The following HAPLN1 variants were observed in gnomAD, a reference collection of about 807,000 sequenced individuals.
HAPLN1 encodes the protein Cartilage link protein.
HAPLN1 carries 13 observed loss-of-function variants against 36.5 expected under a neutral mutation model. The observed-to-expected ratio is 0.36, with a 90% CI of 0.23 to 0.57. The LOEUF (loss-of-function observed/expected upper bound fraction) is 0.57. Ranked by LOEUF, HAPLN1 falls within the 20% of genes least tolerant of loss-of-function variation. HAPLN1 has a pLI of 0.83. For missense variants in HAPLN1, 407 were observed against 439.7 expected (o/e 0.93, Z 0.66); for synonymous variants, 202 against 169.8 (o/e 1.19, Z -1.48).
rs144810231 is a variant in HAPLN1 at position 83,710,237 on chromosome 5, G to A, written c.-27+10552C>T. ...GTGGGGACAAGCATCTTGGGCAGAAGCCATTGAAATACAAACAGCCAAGAG... is the reference window on the plus strand; with the variant it reads ...GTGGGGACAAGCATCTTGGGCAGAAACCATTGAAATACAAACAGCCAAGAG... On this transcript the variant is annotated intron_variant, in intron 1 of 4. Transcript: ENST00000274341. Among the ~76,000 whole-genome samples, 861 of 152,256 alleles carry A rather than the reference G, an allele frequency of 5.7e-3. 4 individuals are homozygous for A. The highest frequency in any genetic ancestry group is 9.3e-3 in the South Asian group (45 of 4,820).
chr5:83,648,607 G>C (rs960232825), intron 3 of HAPLN1, among the ~76,000 whole-genome samples: 5 of 151,186 alleles, frequency 3.3e-5, no homozygotes, highest in African/African-American at 1.2e-4. Flanking sequence ...CATTTAAGCT[G>C]GTATTAAAGG....
intron 2 of HAPLN1, among the ~76,000 whole-genome samples, chr5:83,662,063 C>T (rs564354213): frequency 2.0e-5 from 3 of 152,174 alleles, no homozygotes; most frequent in Non-Finnish European, 2.9e-5. Flanking sequence ...CCACCGTGTC[C>T]GGTTAATTTT....
chr5:83,685,040 C>T (rs1751088122), intron 1 of HAPLN1, among the ~76,000 whole-genome samples: 1 of 152,096 alleles, frequency 6.6e-6, no homozygotes, highest in African/African-American at 2.4e-5. Context: ...TTAGTAAGGG[C>T]AGATTAACAT....
chr5:83,644,727 G>A, intron 3 of HAPLN1, 62 bp from the exon 4 acceptor site: 4 of 1,289,506 alleles, frequency 3.1e-6, no homozygotes, highest in South Asian at 4.7e-5. Context: ...CTGAGCAAAT[G>A]CCACCTAGTT....
rs577041988 is a variant in HAPLN1 at position 83,639,952 on chromosome 5, A to C, written c.*1544T>G. ...CAGAACTCTATAGAGTAAATTTATT[A>C]GAATTATTACAGAGCTTTAAATGCA... On this transcript the variant is annotated 3_prime_UTR_variant, in exon 5 of 5. Coordinates refer to ENST00000274341, the MANE Select transcript of HAPLN1 (RefSeq NM_001884.4). 15 of 152,148 alleles carry C rather than the reference A, an allele frequency of 9.9e-5. No homozygotes were observed. The highest frequency in any genetic ancestry group is 2.2e-4 in the Non-Finnish European group (15 of 67,966). 9.4% of individuals were successfully genotyped at this position (152,148 alleles called of 1,614,324 possible).
At chr5:83,666,973 G>C (rs1467780967) in intron 2 of HAPLN1, among the ~76,000 whole-genome samples, 2 of 152,162 alleles carry the variant, frequency 1.3e-5, no homozygotes, top group East Asian at 3.8e-4. Context: ...CAGAAGCAAA[G>C]TTGGTAAGAA....
At chr5:83,713,251 A>T (rs779536897) in intron 1 of HAPLN1, among the ~76,000 whole-genome samples, 2 of 152,182 alleles carry the variant, frequency 1.3e-5, no homozygotes, top group Admixed American at 6.5e-5. Context: ...CTGTCATTAG[A>T]GCTTCAAGGC....
intron 1 of HAPLN1, among the ~76,000 whole-genome samples, chr5:83,688,784 G>A (rs995988119): frequency 2.2e-4 from 33 of 151,202 alleles, no homozygotes; most frequent in African/African-American, 7.8e-4. Context: ...GGAAACGGTG[G>A]ACAGAAAACG....
At chr5:83,684,565 A>G (rs1751077154) in intron 1 of HAPLN1, among the ~76,000 whole-genome samples, 1 of 152,136 alleles carries the variant, frequency 6.6e-6, no homozygotes, top group South Asian at 2.1e-4. Flanking sequence ...CTGAAAGACA[A>G]ACAGGAGATA....
chr5:83,719,128 G>T (rs536437352), intron 1 of HAPLN1, among the ~76,000 whole-genome samples: 1 of 152,216 alleles, frequency 6.6e-6, no homozygotes, highest in Admixed American at 6.5e-5. Context: ...TCTTCTCTGT[G>T]AAAGTCTCTT....
intron 1 of HAPLN1, among the ~76,000 whole-genome samples, chr5:83,678,251 T>TGTGTGTGTGTG (rs1750910420): frequency 1.1e-5 from 1 of 89,546 alleles, no homozygotes; most frequent in Non-Finnish European, 2.4e-5. Flanking sequence ...GTGTGTGTGT[T>TGTGTGTGTGTG]TTAATTAAAA....
At chr5:83,645,293 A>G (rs1242468302) in intron 3 of HAPLN1, among the ~76,000 whole-genome samples, 1 of 152,142 alleles carries the variant, frequency 6.6e-6, no homozygotes, top group Non-Finnish European at 1.5e-5. Context: ...AATAACTTGC[A>G]GATAAGTAAC....
At chr5:83,716,886 G>A (rs967693814) in intron 1 of HAPLN1, among the ~76,000 whole-genome samples, 1 of 152,046 alleles carries the variant, frequency 6.6e-6, no homozygotes, top group Admixed American at 6.6e-5. Context: ...ACAAAAATTA[G>A]CCGGGCATGG....
chr5:83,642,896 G>A (rs1481975469), intron 4 of HAPLN1, among the ~76,000 whole-genome samples: 3 of 152,158 alleles, frequency 2.0e-5, no homozygotes, highest in Middle Eastern at 3.2e-3. Flanking sequence ...TTATTGGAAT[G>A]CTGCCATCTC....
chr5:83,671,156 G>A (rs1305136178), intron 2 of HAPLN1, among the ~76,000 whole-genome samples: 1 of 152,138 alleles, frequency 6.6e-6, no homozygotes, highest in Admixed American at 6.6e-5. Flanking sequence ...TTGAGCTTCT[G>A]CATCAAGGCA....
chr5:83,660,965 T>A (rs1750368180), intron 2 of HAPLN1, among the ~76,000 whole-genome samples: 1 of 152,144 alleles, frequency 6.6e-6, no homozygotes. Flanking sequence ...ATGTCTAAAA[T>A]GTGCCTGGTG....
intron 3 of HAPLN1, among the ~76,000 whole-genome samples, chr5:83,651,749 T>C (rs961444758): frequency 2.6e-5 from 4 of 152,080 alleles, no homozygotes; most frequent in Admixed American, 6.5e-5. Flanking sequence ...CTGTGATCCA[T>C]GAGAAACTAA....
chr5:83,687,701 G>A (rs528700920), intron 1 of HAPLN1, among the ~76,000 whole-genome samples: 4 of 152,070 alleles, frequency 2.6e-5, no homozygotes, highest in Admixed American at 1.3e-4. Context: ...CTTCATAACT[G>A]TTTTGCAAGT....
At chr5:83,643,297 C>T (rs1749758830) in intron 4 of HAPLN1, among the ~76,000 whole-genome samples, 2 of 150,294 alleles carry the variant, frequency 1.3e-5, no homozygotes, top group Admixed American at 1.3e-4. Flanking sequence ...TTGCAGTGAG[C>T]CCAGGTCATG....
Sources: gnomAD v4.1 joint callset for allele counts (sites outside exome capture counted in the v4.1 genomes callset) on GRCh38, gnomAD v4.1.1 for gene constraint, MANE v1.5 for transcripts, NCBI Gene and HGNC (gene_info 2026-07-23, HGNC 2026-07-21) for gene names.